PCDHGB2: variants seen among roughly 807,000 people sequenced by gnomAD.
PCDHGB2 encodes the protein protocadherin gamma subfamily B, 2.
Under a neutral mutation model 59.3 loss-of-function variants are expected in PCDHGB2, and 55 were observed. The observed-to-expected ratio is 0.93, with a 90% CI of 0.75 to 1.16. The LOEUF (loss-of-function observed/expected upper bound fraction) is 1.16, where lower values mean the gene tolerates loss of function less well. PCDHGB2 is among the 50% of genes most tolerant of loss of function. PCDHGB2 has a pLI of 0.00. For missense variants in PCDHGB2, 1,228 were observed against 1,198.5 expected (o/e 1.02, Z -0.36); for synonymous variants, 516 against 512.0 (o/e 1.01, Z -0.11).
intron 1 of PCDHGB2, chr5:141,385,045 C>T (rs769354835): frequency 1.9e-6 from 3 of 1,614,178 alleles, no homozygotes. Flanking sequence ...GGCGCTCAGG[C>T]TGCGGCGCTG....
chr5:141,495,726 C>T (rs2099763293), intron 2 of PCDHGB2, among the ~76,000 whole-genome samples: 1 of 152,070 alleles, frequency 6.6e-6, no homozygotes, highest in Non-Finnish European at 1.5e-5. Flanking sequence ...ACACGGGACC[C>T]TTAGTCTCTT....
rs368231432 is a variant in PCDHGB2 at position 141,374,734 on chromosome 5, C to T, written c.2421+12178C>T. On this transcript the variant is annotated intron_variant, in intron 1 of 3. Coordinates refer to ENST00000522605, the MANE Select transcript of PCDHGB2 (RefSeq NM_018923.3). ...GCCTGGTCCTTACTGCCATGGATGGCGGCGACCCTGTCCGCTCAAGCGTCG... is the reference window on the plus strand; with the variant it reads ...GCCTGGTCCTTACTGCCATGGATGGTGGCGACCCTGTCCGCTCAAGCGTCG... 43 of 1,610,046 alleles carry T rather than the reference C, an allele frequency of 2.7e-5. 2 individuals are homozygous for T. In the South Asian group the frequency reaches 4.2e-4, roughly 16 times the overall value.
chr5:141,390,003 C>A, intron 1 of PCDHGB2: 1 of 1,614,056 alleles, frequency 6.2e-7, no homozygotes, highest in Non-Finnish European at 8.5e-7. Flanking sequence ...GGCCATGATT[C>A]TGGCCATTGC....
Position 141,477,673 on chromosome 5 carries a change from G to A in PCDHGB2, c.2422-17134G>A. The A allele has an allele frequency of 1.2e-6, 2 of 1,614,168 alleles. No individual in the cohort carries two copies. The highest frequency in any genetic ancestry group is 8.5e-7 in the Non-Finnish European group (1 of 1,180,050). ...CAATAAATCGTGACAATGGCATAGT[G>A]TCATCCTTAGTGCCCCTAGACTATG... On this transcript the variant is annotated intron_variant, in intron 1 of 3. Coordinates refer to ENST00000522605, the MANE Select transcript of PCDHGB2 (RefSeq NM_018923.3). This position sits in a 1 kb window ranked among gnomAD's most constrained non-coding sequence, Gnocchi z 4.9.
At chr5:141,392,903 G>A in intron 1 of PCDHGB2, 1 of 1,613,884 alleles carries the variant, frequency 6.2e-7, no homozygotes, top group South Asian at 1.1e-5. Flanking sequence ...GGAGGGGACA[G>A]ATTCGCTACT....
rs180741728 is a variant in PCDHGB2 at position 141,505,088 on chromosome 5, G to A, written c.2481-305G>A. Among the ~76,000 whole-genome samples the A allele has an allele frequency of 3.7e-3, 563 of 152,300 alleles. 5 individuals carry two copies. Among genetic ancestry groups the A allele is most frequent in the Admixed American group, 0.011 (163 of 15,294 alleles). On this transcript the variant is annotated intron_variant, in intron 2 of 3. Coordinates refer to ENST00000522605, the MANE Select transcript of PCDHGB2 (RefSeq NM_018923.3). ...GAGGCAGGAGAATCGCTTGAACCCA[G>A]GAGGTGGATGTTGCAATGAGCCAAG...
At chr5:141,385,415 T>C (rs1781181251) in intron 1 of PCDHGB2, 2 of 1,466,016 alleles carry the variant, frequency 1.4e-6, no homozygotes, top group Non-Finnish European at 1.8e-6. Context: ...AAAATAGGGA[T>C]TTAAAAAACT....
chr5:141,422,409 A>G, intron 1 of PCDHGB2: 1 of 1,601,728 alleles, frequency 6.2e-7, no homozygotes. Flanking sequence ...TGCCTTTTAA[A>G]TTAGAAAAGA....
chr5:141,372,173 G>T, intron 1 of PCDHGB2: 1 of 1,613,722 alleles, frequency 6.2e-7, no homozygotes, highest in Non-Finnish European at 8.5e-7. Context: ...AGGTGGTGGC[G>T]GTGGACGCAG....
At chr5:141,392,825 A>T in intron 1 of PCDHGB2, 1 of 1,601,466 alleles carries the variant, frequency 6.2e-7, no homozygotes. Context: ...TGGCCGCTCC[A>T]CAGAGTCGCC....
chr5:141,398,545 C>T (rs774657005), intron 1 of PCDHGB2: 2 of 1,613,768 alleles, frequency 1.2e-6, no homozygotes, highest in Non-Finnish European at 1.7e-6. Flanking sequence ...TTCCTTTGAG[C>T]TGCAAATAAG....
intron 1 of PCDHGB2, chr5:141,408,072 T>G (rs1047187961): frequency 1.7e-5 from 24 of 1,388,622 alleles, no homozygotes; most frequent in Middle Eastern, 2.6e-4. Flanking sequence ...CGCAGACCTT[T>G]CCCAGCACAG....
rs182404532 is a variant in PCDHGB2 at position 141,384,827 on chromosome 5, T to G, written c.2421+22271T>G. ...AGAGATGCCCTCAAGCAGAGCCTCGTGGTGGCCGTCCAGGACCACGGTCAG... is the reference window on the plus strand; with the variant it reads ...AGAGATGCCCTCAAGCAGAGCCTCGGGGTGGCCGTCCAGGACCACGGTCAG... On this transcript the variant is annotated intron_variant, in intron 1 of 3. Coordinates refer to ENST00000522605, the MANE Select transcript of PCDHGB2 (RefSeq NM_018923.3). 8,704 of 1,613,474 alleles carry G rather than the reference T, an allele frequency of 5.4e-3. 36 individuals carry two copies. The highest frequency in any genetic ancestry group is 6.5e-3 in the Non-Finnish European group (7,724 of 1,179,900).
At chr5:141,470,815 G>A (rs891225908) in intron 1 of PCDHGB2, among the ~76,000 whole-genome samples, 1 of 151,980 alleles carries the variant, frequency 6.6e-6, no homozygotes, top group African/African-American at 2.4e-5. Flanking sequence ...AGCCTTCTGA[G>A]TAGTTAGGAC....
chr5:141,388,474 A>G, intron 1 of PCDHGB2: 1 of 1,613,850 alleles, frequency 6.2e-7, no homozygotes, highest in Non-Finnish European at 8.5e-7. Flanking sequence ...ATGGTATTGA[A>G]GACACCTTTG....
rs570673080 is a variant in PCDHGB2 at position 141,360,152 on chromosome 5, G to A, written c.17G>A (p.Gly6Glu). ...AGCCAGAAGATGAAAGCGAGCTCAGGGAGGTGCGGGCTGGTGCGGTGGCTG... is the reference window on the plus strand; with the variant it reads ...AGCCAGAAGATGAAAGCGAGCTCAGAGAGGTGCGGGCTGGTGCGGTGGCTG... MKASS[G>E]RCGLVRWLQV... is the part of the protein sequence containing the mutation. The change falls in exon 1 of 4, where the codon GGG (glycine) becomes GAG (glutamate). Residue 6 changes from glycine (G) to glutamate (E), a missense_variant. Coordinates refer to ENST00000522605, the MANE Select transcript of PCDHGB2 (RefSeq NM_018923.3). 6.9e-6 allele frequency: 11 copies of A among 1,603,472 alleles called. No homozygotes were observed. In the Admixed American group the frequency reaches 1.9e-4, roughly 27 times the overall value.
chr5:141,476,596 C>T lies in PCDHGB2; in HGVS notation c.2422-18211C>T. 1 of 1,614,224 alleles carries T rather than the reference C, an allele frequency of 6.2e-7. No homozygotes were observed. Among genetic ancestry groups the T allele is most frequent in the Non-Finnish European group, 8.5e-7 (1 of 1,180,038 alleles). On this transcript the variant is annotated intron_variant, in intron 1 of 3. Coordinates refer to ENST00000522605, the MANE Select transcript of PCDHGB2 (RefSeq NM_018923.3). The surrounding 1 kb of genome is among the most constrained non-coding windows in gnomAD (Gnocchi z 7.6). The stretch of plus-strand genomic sequence containing the variant: ...CGCGCTTTCCGCTCGAGAGCGCGCA[C>T]GATCCCGATGTGGGAAGCAACTCTT...
rs201704748 is a variant in PCDHGB2, at chr5:141,431,453, G to A, written c.2422-63354G>A. The A allele has an allele frequency of 5.7e-4, 914 of 1,613,802 alleles. 10 individuals are homozygous for A. The South Asian group carries it at 9.6e-3, about 17-fold the overall frequency. ...AGGCACCGCGCGCATCCGCGTGATG[G>A]TTCTGGATGCGAACGACAACGCACC... On this transcript the variant is annotated intron_variant, in intron 1 of 3. Coordinates refer to ENST00000522605, the MANE Select transcript of PCDHGB2 (RefSeq NM_018923.3). This position sits in a 1 kb window ranked among gnomAD's most constrained non-coding sequence, Gnocchi z 4.8.
At position 141,431,412 on chromosome 5, in the gene PCDHGB2, G is replaced by A. The variant is rs1458036274; in HGVS notation, c.2422-63395G>A. ...CTGGTCCTTACGGCCTCCGACGGGG[G>A]CGACCCGGTGCGCACAGGCACCGCG... On this transcript the variant is annotated intron_variant, in intron 1 of 3. Transcript: ENST00000522605. This position sits in a 1 kb window ranked among gnomAD's most constrained non-coding sequence, Gnocchi z 4.8. 1 of 1,613,596 alleles carries A rather than the reference G, an allele frequency of 6.2e-7. No homozygotes were observed. Among genetic ancestry groups the A allele is most frequent in the Non-Finnish European group, 8.5e-7 (1 of 1,180,058 alleles).
Sources: allele counts gnomAD v4.1 joint callset (sites outside exome capture counted in the v4.1 genomes callset), GRCh38; gene constraint gnomAD v4.1.1; non-coding constraint Gnocchi (gnomAD v3.1); transcripts MANE v1.5; gene names NCBI Gene and HGNC (gene_info 2026-07-23, HGNC 2026-07-21).